Variants in TGFA observed in about 807,000 individuals in gnomAD.
TGFA encodes transforming growth factor alpha.
In TGFA, 12 loss-of-function variants were observed where a neutral mutation model predicts 21.7. The ratio of observed to expected loss-of-function variants is 0.55; its 90% CI spans 0.35 to 0.90. The LOEUF (loss-of-function observed/expected upper bound fraction) is 0.90, where lower values mean the gene tolerates loss of function less well. Ranked by LOEUF, TGFA falls within the 40% of genes least tolerant of loss-of-function variation. The pLI is 0.01. For missense variants in TGFA, 178 were observed against 210.8 expected (o/e 0.84, Z 0.96); for synonymous variants, 79 against 88.1 (o/e 0.90, Z 0.58).
chr2:70,545,745 C>T (rs534482921), intron 1 of TGFA, among the ~76,000 whole-genome samples: 2 of 151,956 alleles, frequency 1.3e-5, no homozygotes, highest in Non-Finnish European at 2.9e-5. Flanking sequence ...GGGAAAGATG[C>T]ATAGTTTCTG....
intron 3 of TGFA, among the ~76,000 whole-genome samples, chr2:70,459,629 G>A (rs558082681): frequency 6.6e-6 from 1 of 152,194 alleles, no homozygotes; most frequent in Admixed American, 6.5e-5. Context: ...AATGCACCAA[G>A]GGAGATAACC....
Position 70,450,806 on chromosome 2 carries a change from T to TTTCTTTATTGATC in TGFA, c.*40_*52dup. 1 of 1,599,424 alleles carries TTTCTTTATTGATC rather than the reference T, an allele frequency of 6.3e-7. No individual in the cohort carries two copies. The highest frequency in any genetic ancestry group is 8.5e-7 in the Non-Finnish European group (1 of 1,171,214). ...CTGGCAGTGCTGTCCTGAAGAAGCC[T>TTTCTTTATTGATC]TTCTTTATTGATCTGCCACAGTCCA... On this transcript the variant is annotated 3_prime_UTR_variant, in exon 6 of 6. Transcript: ENST00000295400.
chr2:70,489,066 A>G (rs547358206), intron 2 of TGFA, among the ~76,000 whole-genome samples: 194 of 152,286 alleles, frequency 1.3e-3, no homozygotes, highest in Non-Finnish European at 2.2e-3. Context: ...GGGCCCCAGT[A>G]GCAGCTCTGT....
Position 70,497,301 on chromosome 2 carries a change from G to A in TGFA, c.94+17558C>T, listed in dbSNP as rs142368779. On this transcript the variant is annotated intron_variant, in intron 2 of 5. Transcript: ENST00000295400. ...GTTGATATGAGAGATGCAGTATTGG[G>A]TTTGCCATTTAAACCAGAAGCTTAC... is the stretch of plus-strand genomic sequence containing the variant. Among the ~76,000 whole-genome samples the A allele has an allele frequency of 7.9e-5, 12 of 152,268 alleles. No individual in the cohort carries two copies. The East Asian group carries it at 2.3e-3, about 29-fold the overall frequency.
At chr2:70,490,213 T>C (rs142408676) in intron 2 of TGFA, among the ~76,000 whole-genome samples, 125 of 152,324 alleles carry the variant, frequency 8.2e-4, no homozygotes, top group African/African-American at 2.7e-3. Flanking sequence ...GAAAATAAAT[T>C]GAACATATAA....
intron 1 of TGFA, among the ~76,000 whole-genome samples, chr2:70,549,469 C>T (rs1374596365): frequency 1.3e-5 from 2 of 152,202 alleles, no homozygotes; most frequent in African/African-American, 4.8e-5. Context: ...AAACCTCCCA[C>T]CTACTGAATC....
chr2:70,497,784 C>A (rs1671620991), intron 2 of TGFA, among the ~76,000 whole-genome samples: 2 of 152,168 alleles, frequency 1.3e-5, no homozygotes, highest in South Asian at 2.1e-4. Context: ...TTTTACAGAA[C>A]CTATGTCACA....
chr2:70,507,574 C>T (rs573686426), intron 2 of TGFA, among the ~76,000 whole-genome samples: 1 of 152,352 alleles, frequency 6.6e-6, no homozygotes, highest in East Asian at 1.9e-4. Context: ...TTTCACTCTA[C>T]TGGATAATAA....
At chr2:70,507,400 C>T (rs1046088459) in intron 2 of TGFA, among the ~76,000 whole-genome samples, 2 of 152,198 alleles carry the variant, frequency 1.3e-5, no homozygotes, top group African/African-American at 4.8e-5. Flanking sequence ...TTTATAAGTT[C>T]GAGTTACATC....
At chr2:70,456,692 GGGGAATCTAATCATCCTTAT>G (rs1670241228) in intron 3 of TGFA, among the ~76,000 whole-genome samples, 1 of 152,252 alleles carries the variant, frequency 6.6e-6, no homozygotes, top group Non-Finnish European at 1.5e-5. Flanking sequence ...GAGAAGGGAA[GGGGAATCTAATCATCCTTAT>G]CATCTGCGGA....
chr2:70,532,087 A>G (rs1177442151), intron 1 of TGFA, among the ~76,000 whole-genome samples: 1 of 152,226 alleles, frequency 6.6e-6, no homozygotes, highest in Non-Finnish European at 1.5e-5. Flanking sequence ...ATACCAATCT[A>G]TCTACCTCCT....
rs375207121 is a variant in TGFA at position 70,518,254 on chromosome 2, C to T, written c.41-3342G>A. Among the ~76,000 whole-genome samples, 35 of 152,298 alleles carry T rather than the reference C, an allele frequency of 2.3e-4. No individual in the cohort carries two copies. In the South Asian group the frequency reaches 6.6e-3, roughly 29 times the overall value. On this transcript the variant is annotated intron_variant, in intron 1 of 5. Transcript: ENST00000295400. ...TGGCATCCTATTTCTGTTTAAATAG[C>T]TCCAAAGAGGGAAATCCCAAGACTG...
intron 1 of TGFA, among the ~76,000 whole-genome samples, chr2:70,527,803 G>C (rs1317244568): frequency 6.6e-6 from 1 of 152,210 alleles, no homozygotes; most frequent in Admixed American, 6.5e-5. Flanking sequence ...ATTACCAGCT[G>C]ATGACAGTTA....
At chr2:70,543,309 C>T (rs1351612766) in intron 1 of TGFA, among the ~76,000 whole-genome samples, 10 of 151,192 alleles carry the variant, frequency 6.6e-5, no homozygotes, top group Admixed American at 4.0e-4. Context: ...AGGTGGATCT[C>T]TTGAGTCCAG....
At chr2:70,547,563 T>C (rs6720937) in intron 1 of TGFA, among the ~76,000 whole-genome samples, 70,222 of 143,146 alleles carry the variant, frequency 0.49, 17,144 homozygotes, top group East Asian at 0.61. Context: ...AAAAAAAACA[T>C]GAAAAACAAA....
intron 2 of TGFA, among the ~76,000 whole-genome samples, chr2:70,472,437 C>A (rs1356119565): frequency 6.6e-6 from 1 of 152,224 alleles, no homozygotes; most frequent in Non-Finnish European, 1.5e-5. Context: ...CTTGCAGACA[C>A]CACTGCTCTC....
At chr2:70,551,780 T>C (rs942702560) in intron 1 of TGFA, among the ~76,000 whole-genome samples, 1 of 152,056 alleles carries the variant, frequency 6.6e-6, no homozygotes, top group Non-Finnish European at 1.5e-5. Flanking sequence ...TATTGATCAA[T>C]CTTTTAAAGT....
At chr2:70,513,921 G>A (rs1327535219) in intron 2 of TGFA, among the ~76,000 whole-genome samples, 1 of 152,188 alleles carries the variant, frequency 6.6e-6, no homozygotes, top group African/African-American at 2.4e-5. Flanking sequence ...GGAGAAATCA[G>A]CACCATTCAC....
intron 2 of TGFA, among the ~76,000 whole-genome samples, chr2:70,511,062 C>A (rs542215098): frequency 3.3e-5 from 5 of 152,206 alleles, no homozygotes; most frequent in Non-Finnish European, 7.3e-5. Context: ...TTGATTAGCA[C>A]ATGGAGTTTG....
Sources: allele counts gnomAD v4.1 joint callset (sites outside exome capture counted in the v4.1 genomes callset), GRCh38; gene constraint gnomAD v4.1.1; transcripts MANE v1.5; gene names NCBI Gene and HGNC (gene_info 2026-07-23, HGNC 2026-07-21).